SORCS2: variants seen among roughly 807,000 people sequenced by gnomAD.
The protein encoded by SORCS2 is VPS10 domain-containing receptor SorCS2.
In SORCS2, 100 loss-of-function variants were observed where a neutral mutation model predicts 141.6. The ratio of observed to expected loss-of-function variants is 0.71; its 90% CI spans 0.60 to 0.83. SORCS2 has a LOEUF of 0.83. SORCS2 is among the 40% of genes least tolerant of loss of function. SORCS2 has a pLI of 0.00. For synonymous variants in SORCS2, 789 were observed against 676.9 expected (o/e 1.17, Z -2.57); for missense variants, 1,646 against 1,560.2 (o/e 1.05, Z -0.93).
rs73084269 is a variant in SORCS2, at chr4:7,411,492, A to G, written c.548+15137A>G. Among the ~76,000 whole-genome samples, 322 of 150,526 alleles carry G rather than the reference A, an allele frequency of 2.1e-3. 2 individuals carry two copies. Among genetic ancestry groups the G allele is most frequent in the African/African-American group, 7.4e-3 (304 of 40,836 alleles). On this transcript the variant is annotated intron_variant, in intron 2 of 26. Coordinates refer to ENST00000507866, the MANE Select transcript of SORCS2 (RefSeq NM_020777.3). Reference sequence around the variant, plus strand: ...TCCTCTATCTTCTCTCCTCATTTCTATCCACCCTTCCCACCTTTGCTCCTC... The same window carrying G: ...TCCTCTATCTTCTCTCCTCATTTCTGTCCACCCTTCCCACCTTTGCTCCTC...
chr4:7,553,308 A>G (rs1268999180), intron 3 of SORCS2, among the ~76,000 whole-genome samples: 1 of 151,848 alleles, frequency 6.6e-6, no homozygotes, highest in Non-Finnish European at 1.5e-5. Flanking sequence ...TAATTATGAG[A>G]GGGGGGAAAA....
chr4:7,448,352 T>C (rs150829048), intron 2 of SORCS2, among the ~76,000 whole-genome samples: 1 of 151,840 alleles, frequency 6.6e-6, no homozygotes. Context: ...GGACTCTAGG[T>C]TCCTGTAGTC....
In SORCS2 at chr4:7,733,407, G is replaced by A. The variant is rs565956372; in HGVS notation, c.3194G>A (p.Arg1065Gln). The A allele has an allele frequency of 1.6e-4, 256 of 1,590,026 alleles. 1 individual carries two copies. The Middle Eastern group carries it at 2.0e-3, about 13-fold the overall frequency. ...RGGVRVLVAL[R>Q]DTGTGAEQLG... ...GGAGTCCGGGTCCTGGTGGCCCTGC[G>A]GGACACAGGCACAGGTGAGCCACTG... Residue 1065 changes from arginine to glutamine, a missense_variant, in exon 24 of 27, where the codon CGG becomes CAG. By Grantham distance (43) the Arg-to-Gln change is conservative. Coordinates refer to ENST00000507866, the MANE Select transcript of SORCS2 (RefSeq NM_020777.3).
intron 10 of SORCS2, among the ~76,000 whole-genome samples, chr4:7,688,103 G>A (rs553073673): frequency 3.8e-4 from 58 of 152,322 alleles, no homozygotes; most frequent in Middle Eastern, 3.4e-3. Context: ...TAACTTTTAA[G>A]TTAGAGTCAC....
chr4:7,691,782 C>T (rs775151604), intron 11 of SORCS2, among the ~76,000 whole-genome samples: 10 of 152,096 alleles, frequency 6.6e-5, no homozygotes, highest in African/African-American at 1.2e-4. Flanking sequence ...TGTCTTGATT[C>T]GCTGAAACCC....
chr4:7,598,821 AG>A (rs1717456452), intron 3 of SORCS2, among the ~76,000 whole-genome samples: 1 of 152,178 alleles, frequency 6.6e-6, no homozygotes, highest in African/African-American at 2.4e-5. Flanking sequence ...GGGTGGGGAC[AG>A]GGGCTGTGTT....
intron 26 of SORCS2, among the ~76,000 whole-genome samples, chr4:7,738,079 T>G (rs1269729807): frequency 6.6e-6 from 1 of 152,232 alleles, no homozygotes; most frequent in African/African-American, 2.4e-5. Context: ...ACTTGTGTCT[T>G]GCCCTGTCCA....
intron 1 of SORCS2, among the ~76,000 whole-genome samples, chr4:7,216,766 A>G (rs1728377457): frequency 6.6e-6 from 1 of 152,074 alleles, no homozygotes; most frequent in East Asian, 1.9e-4. Context: ...CACACCTGCA[A>G]CGTTTCTACA....
At chr4:7,435,950 T>G (rs986952183) in intron 2 of SORCS2, among the ~76,000 whole-genome samples, 1 of 152,232 alleles carries the variant, frequency 6.6e-6, no homozygotes, top group Non-Finnish European at 1.5e-5. Flanking sequence ...TTGGGTGCTC[T>G]GTAGGAACAC....
intron 1 of SORCS2, among the ~76,000 whole-genome samples, chr4:7,353,966 C>T (rs1721103245): frequency 6.6e-6 from 1 of 152,184 alleles, no homozygotes; most frequent in African/African-American, 2.4e-5. Flanking sequence ...CTCCCTGTTC[C>T]CTACTGGCAG....
chr4:7,456,303 GTGAA>G (rs199612269), intron 2 of SORCS2, among the ~76,000 whole-genome samples: 13 of 152,096 alleles, frequency 8.5e-5, no homozygotes, highest in African/African-American at 2.7e-4. Context: ...TGTTTGTGAT[GTGAA>G]TGAATGAATG....
chr4:7,197,037 G>T (rs1484559240), intron 1 of SORCS2, among the ~76,000 whole-genome samples: 5 of 152,208 alleles, frequency 3.3e-5, no homozygotes, highest in African/African-American at 4.8e-5. Flanking sequence ...TGAAGCAACA[G>T]AAATGTATTT....
intron 2 of SORCS2, among the ~76,000 whole-genome samples, chr4:7,475,984 G>C (rs1333678788): frequency 6.6e-6 from 1 of 152,108 alleles, no homozygotes; most frequent in Non-Finnish European, 1.5e-5. Context: ...GGCTTCCCTC[G>C]GCTGCCTAGG....
intron 3 of SORCS2, among the ~76,000 whole-genome samples, chr4:7,549,436 G>T (rs1230616027): frequency 6.6e-6 from 1 of 151,712 alleles, no homozygotes; most frequent in Non-Finnish European, 1.5e-5. Context: ...GGGGACTGGG[G>T]CAGGGAGTGG....
chr4:7,253,050 C>G (rs1018875899), intron 1 of SORCS2, among the ~76,000 whole-genome samples: 5 of 152,256 alleles, frequency 3.3e-5, no homozygotes, highest in African/African-American at 4.8e-5. Context: ...CCCTGAATCC[C>G]CCAGCTGGGC....
chr4:7,549,397 C>T (rs1424117383), intron 3 of SORCS2, among the ~76,000 whole-genome samples: 2 of 151,618 alleles, frequency 1.3e-5, no homozygotes, highest in South Asian at 4.2e-4. Context: ...AGATGTTGGC[C>T]TTTTATTGAT....
intron 2 of SORCS2, among the ~76,000 whole-genome samples, chr4:7,518,302 ATC>A (rs1484970161): frequency 6.6e-6 from 1 of 152,094 alleles, no homozygotes; most frequent in Non-Finnish European, 1.5e-5. Flanking sequence ...ACTGGGCTTG[ATC>A]TCAAGCCCAG....
intron 1 of SORCS2, among the ~76,000 whole-genome samples, chr4:7,372,505 A>G (rs889480896): frequency 6.6e-6 from 1 of 152,078 alleles, no homozygotes; most frequent in Non-Finnish European, 1.5e-5. Flanking sequence ...ACGGGGTTTC[A>G]CCATGTTGGC....
At chr4:7,641,789 G>GATAA (rs779060795) in intron 4 of SORCS2, among the ~76,000 whole-genome samples, 98 of 123,784 alleles carry the variant, frequency 7.9e-4, no homozygotes, top group Middle Eastern at 4.1e-3. Context: ...TGGATGGATG[G>GATAA]ATGGATGGAT....
Sources: allele counts gnomAD v4.1 joint callset (sites outside exome capture counted in the v4.1 genomes callset), GRCh38; gene constraint gnomAD v4.1.1; transcripts MANE v1.5; gene names NCBI Gene and HGNC (gene_info 2026-07-23, HGNC 2026-07-21).